Variants in SMYD3 observed in about 807,000 individuals in gnomAD.
The protein encoded by SMYD3 is SET and MYND domain containing 3.
Under a neutral mutation model 57.7 loss-of-function variants are expected in SMYD3, and 36 were observed. The observed-to-expected ratio is 0.62, with a 90% confidence interval of 0.48 to 0.82. SMYD3 has a LOEUF of 0.82. Among genes scored for constraint, SMYD3 ranks in the 40% least tolerant of loss-of-function variants. The pLI is 0.00. For missense variants in SMYD3, 515 were observed against 538.8 expected (o/e 0.96, Z 0.44); for synonymous variants, 211 against 195.0 (o/e 1.08, Z -0.68).
At chr1:246,167,454 T>A (rs890222670) in intron 5 of SMYD3, among the ~76,000 whole-genome samples, 4 of 152,106 alleles carry the variant, frequency 2.6e-5, no homozygotes, top group African/African-American at 9.7e-5. Context: ...CCTACTACAT[T>A]TCATTCTATT....
intron 5 of SMYD3, among the ~76,000 whole-genome samples, chr1:246,145,181 G>A (rs1391740056): frequency 6.6e-6 from 1 of 152,088 alleles, no homozygotes; most frequent in Non-Finnish European, 1.5e-5. Flanking sequence ...GCCTGGCTCA[G>A]ATGCAAATTT....
At chr1:246,353,493 C>T (rs1374810848) in intron 2 of SMYD3, among the ~76,000 whole-genome samples, 1 of 152,140 alleles carries the variant, frequency 6.6e-6, no homozygotes, top group Non-Finnish European at 1.5e-5. Flanking sequence ...AACACCACTG[C>T]ACTCCAGTCC....
At chr1:246,442,876 G>A (rs2067491146) in intron 1 of SMYD3, among the ~76,000 whole-genome samples, 1 of 152,122 alleles carries the variant, frequency 6.6e-6, no homozygotes, top group African/African-American at 2.4e-5. Flanking sequence ...TGTGCCCTGG[G>A]AAGGACGGTT....
chr1:246,427,532 A>C (rs531385275), intron 1 of SMYD3, among the ~76,000 whole-genome samples: 25 of 147,896 alleles, frequency 1.7e-4, no homozygotes, highest in African/African-American at 6.3e-4. Context: ...AAAAAAAAAA[A>C]ATAAAAAAAA....
At chr1:246,417,992 T>C (rs1240598507) in intron 1 of SMYD3, among the ~76,000 whole-genome samples, 1 of 152,214 alleles carries the variant, frequency 6.6e-6, no homozygotes, top group African/African-American at 2.4e-5. Context: ...GTCAGCTGTG[T>C]TGGATTTCTC....
chr1:245,933,904 G>A (rs1204481967), intron 5 of SMYD3, among the ~76,000 whole-genome samples: 1 of 152,158 alleles, frequency 6.6e-6, no homozygotes, highest in Non-Finnish European at 1.5e-5. Flanking sequence ...TCAGAGCTGA[G>A]TAATTCTACA....
intron 5 of SMYD3, among the ~76,000 whole-genome samples, chr1:246,164,944 G>C (rs2062181559): frequency 6.6e-6 from 1 of 152,230 alleles, no homozygotes; most frequent in Non-Finnish European, 1.5e-5. Context: ...CACAGAGACG[G>C]TGAATGAAGC....
intron 5 of SMYD3, among the ~76,000 whole-genome samples, chr1:246,302,671 G>A (rs539264054): frequency 6.6e-6 from 1 of 151,984 alleles, no homozygotes; most frequent in Non-Finnish European, 1.5e-5. Flanking sequence ...CTTCACGAAG[G>A]GGTGGCTGCT....
At chr1:245,829,118 C>CTT (rs10701402) in intron 10 of SMYD3, among the ~76,000 whole-genome samples, 114,728 of 140,056 alleles carry the variant, frequency 0.82, 48,746 homozygotes, top group Non-Finnish European at 0.94. Context: ...AAGACAATCA[C>CTT]TTTTTTTTTT....
chr1:246,238,707 G>C (rs1007228224), intron 5 of SMYD3, among the ~76,000 whole-genome samples: 3 of 151,518 alleles, frequency 2.0e-5, no homozygotes, highest in Admixed American at 2.0e-4. Context: ...CTTCTTTCTT[G>C]GATTCTTCTA....
intron 5 of SMYD3, among the ~76,000 whole-genome samples, chr1:245,946,264 T>C (rs2057425323): frequency 6.6e-6 from 1 of 152,104 alleles, no homozygotes; most frequent in Admixed American, 6.5e-5. Flanking sequence ...AGAGGAGAGA[T>C]GGTCTCAGAG....
At chr1:246,072,587 G>A (rs574951242) in intron 5 of SMYD3, among the ~76,000 whole-genome samples, 50 of 152,274 alleles carry the variant, frequency 3.3e-4, no homozygotes, top group African/African-American at 1.1e-3. Flanking sequence ...CTTAATTTTC[G>A]GTGTCAGCTT....
intron 5 of SMYD3, among the ~76,000 whole-genome samples, chr1:246,007,025 G>T (rs531633157): frequency 1.8e-4 from 28 of 152,284 alleles, no homozygotes; most frequent in African/African-American, 6.5e-4. Flanking sequence ...GCTGCTGAGA[G>T]GGGCTTCCTC....
intron 1 of SMYD3, among the ~76,000 whole-genome samples, chr1:246,492,876 T>A (rs117108147): frequency 6.6e-6 from 1 of 152,350 alleles, no homozygotes; most frequent in East Asian, 1.9e-4. Flanking sequence ...GATTTCTAAC[T>A]GGCCCTGTAA....
chr1:246,431,095 A>G (rs1396167086), intron 1 of SMYD3, among the ~76,000 whole-genome samples: 1 of 152,232 alleles, frequency 6.6e-6, no homozygotes, highest in Non-Finnish European at 1.5e-5. Flanking sequence ...GATGCTTAGA[A>G]AAGATTGCTT....
chr1:245,973,946 G>C (rs1451795403), intron 5 of SMYD3, among the ~76,000 whole-genome samples: 1 of 152,126 alleles, frequency 6.6e-6, no homozygotes, highest in Non-Finnish European at 1.5e-5. Context: ...TCATATGAGA[G>C]TCATTTTGTA....
At chr1:246,245,922 C>T (rs1469862374) in intron 5 of SMYD3, among the ~76,000 whole-genome samples, 1 of 152,156 alleles carries the variant, frequency 6.6e-6, no homozygotes, top group Non-Finnish European at 1.5e-5. Flanking sequence ...CACACCAGGC[C>T]AATGTCTCAG....
At chr1:245,898,240 G>A (rs1329613660) in intron 8 of SMYD3, among the ~76,000 whole-genome samples, 1 of 152,070 alleles carries the variant, frequency 6.6e-6, no homozygotes, top group African/African-American at 2.4e-5. Flanking sequence ...CATCTTATTT[G>A]TCACTTTTAT....
chr1:246,415,730 A>T (rs1202416777), intron 1 of SMYD3, among the ~76,000 whole-genome samples: 1 of 152,034 alleles, frequency 6.6e-6, no homozygotes, highest in Non-Finnish European at 1.5e-5. Flanking sequence ...GGCTTTCACC[A>T]TTTTTTCACT....
Sources: gnomAD v4.1 joint callset for allele counts (sites outside exome capture counted in the v4.1 genomes callset) on GRCh38, gnomAD v4.1.1 for gene constraint, MANE v1.5 for transcripts, NCBI Gene and HGNC (gene_info 2026-07-23, HGNC 2026-07-21) for gene names.